DLG2: variants seen among roughly 807,000 people sequenced by gnomAD.
DLG2 encodes discs large MAGUK scaffold protein 2.
DLG2 carries 45 observed loss-of-function variants against 132.5 expected under a neutral mutation model. The observed-to-expected ratio is 0.34, with a 90% CI of 0.27 to 0.44. The LOEUF (loss-of-function observed/expected upper bound fraction) is 0.44, where lower values mean the gene tolerates loss of function less well. Among genes scored for constraint, DLG2 ranks in the 20% least tolerant of loss-of-function variants. The pLI is 1.00. For missense variants in DLG2, 1,045 were observed against 1,196.9 expected (o/e 0.87, Z 1.87); for synonymous variants, 424 against 419.6 (o/e 1.01, Z -0.13).
intron 18 of DLG2, among the ~76,000 whole-genome samples, chr11:83,772,237 G>C (rs774898221): frequency 6.6e-6 from 1 of 151,804 alleles, no homozygotes; most frequent in Non-Finnish European, 1.5e-5. Context: ...GTGAAACCCC[G>C]TTGCTACCAA....
chr11:85,430,743 A>C (rs138481139), intron 3 of DLG2, among the ~76,000 whole-genome samples: 2 of 152,192 alleles, frequency 1.3e-5, no homozygotes, highest in Non-Finnish European at 2.9e-5. Context: ...GATGCAACTG[A>C]AGCTAGTTTT....
intron 9 of DLG2, among the ~76,000 whole-genome samples, chr11:84,148,275 T>C (rs1015433445): frequency 1.2e-4 from 19 of 152,184 alleles, no homozygotes; most frequent in Non-Finnish European, 2.1e-4. Flanking sequence ...TATAAAGGCA[T>C]ATTGTGTGAC....
At chr11:84,170,352 T>A (rs574049059) in intron 8 of DLG2, among the ~76,000 whole-genome samples, 1 of 152,316 alleles carries the variant, frequency 6.6e-6, no homozygotes, top group African/African-American at 2.4e-5. Flanking sequence ...GTACCTATCA[T>A]GTACTTGGTA....
chr11:85,264,910 G>A (rs192326151), intron 4 of DLG2, among the ~76,000 whole-genome samples: 112 of 152,234 alleles, frequency 7.4e-4, no homozygotes, highest in South Asian at 1.9e-3. Flanking sequence ...TAGAGATTAC[G>A]TAAGGTTCTT....
chr11:84,821,975 A>T (rs1409674348), intron 6 of DLG2, among the ~76,000 whole-genome samples: 2 of 151,816 alleles, frequency 1.3e-5, no homozygotes, highest in Non-Finnish European at 2.9e-5. Flanking sequence ...CCTATAAAAA[A>T]TTCACTGCCA....
intron 3 of DLG2, among the ~76,000 whole-genome samples, chr11:85,309,928 T>C (rs975003631): frequency 6.6e-6 from 1 of 152,212 alleles, no homozygotes. Context: ...AGGATTTTGC[T>C]TTCTGTTTAT....
At chr11:85,292,685 G>A (rs2078983087) in intron 3 of DLG2, among the ~76,000 whole-genome samples, 1 of 95,862 alleles carries the variant, frequency 1.0e-5, no homozygotes, top group African/African-American at 3.7e-5. Context: ...AGGGAGGGAG[G>A]GAGGGAGGGA....
intron 7 of DLG2, among the ~76,000 whole-genome samples, chr11:84,528,220 A>G (rs1342119592): frequency 6.6e-6 from 1 of 152,160 alleles, no homozygotes; most frequent in Non-Finnish European, 1.5e-5. Context: ...TTCTTTTATG[A>G]AAGATTCTAG....
At chr11:84,805,120 A>G (rs2075843366) in intron 6 of DLG2, among the ~76,000 whole-genome samples, 1 of 152,156 alleles carries the variant, frequency 6.6e-6, no homozygotes, top group African/African-American at 2.4e-5. Context: ...CATGCACAGT[A>G]GCAGTAAAAG....
intron 7 of DLG2, among the ~76,000 whole-genome samples, chr11:84,379,352 A>G (rs537744068): frequency 1.3e-5 from 2 of 152,268 alleles, no homozygotes; most frequent in South Asian, 4.1e-4. Flanking sequence ...GTGAACAAAG[A>G]ACCAAATAAA....
chr11:83,706,390 G>A (rs145414379), intron 18 of DLG2, among the ~76,000 whole-genome samples: 15 of 152,182 alleles, frequency 9.9e-5, no homozygotes, highest in Middle Eastern at 3.4e-3. Context: ...ACATGTTAAG[G>A]CAGCGGCTGA....
At chr11:83,759,300 G>A (rs755387589) in intron 18 of DLG2, among the ~76,000 whole-genome samples, 1 of 152,186 alleles carries the variant, frequency 6.6e-6, no homozygotes, top group Non-Finnish European at 1.5e-5. Context: ...AGGGATAGCC[G>A]AATGGCAGAG....
intron 4 of DLG2, among the ~76,000 whole-genome samples, chr11:85,191,435 A>G (rs2080565634): frequency 6.6e-6 from 1 of 152,058 alleles, no homozygotes. Flanking sequence ...ATCCTCCACC[A>G]GGTTCCACTG....
At chr11:83,534,839 A>T (rs1017288478) in intron 20 of DLG2, among the ~76,000 whole-genome samples, 4 of 152,222 alleles carry the variant, frequency 2.6e-5, no homozygotes, top group African/African-American at 9.6e-5. Flanking sequence ...GCTACGCGGG[A>T]GGCTGAGGCA....
At chr11:84,773,923 G>T (rs1469246097) in intron 6 of DLG2, among the ~76,000 whole-genome samples, 2 of 152,092 alleles carry the variant, frequency 1.3e-5, no homozygotes, top group Non-Finnish European at 2.9e-5. Context: ...AGATAATATT[G>T]TAAGTTGTAG....
At chr11:83,934,780 A>T (rs1243227170) in intron 14 of DLG2, among the ~76,000 whole-genome samples, 1 of 152,164 alleles carries the variant, frequency 6.6e-6, no homozygotes, top group Non-Finnish European at 1.5e-5. Flanking sequence ...TAGACCCTGG[A>T]GGATCAGGAC....
intron 12 of DLG2, among the ~76,000 whole-genome samples, chr11:83,976,949 C>T (rs546061780): frequency 6.6e-6 from 1 of 151,818 alleles, no homozygotes; most frequent in East Asian, 1.9e-4. Context: ...ATTGGAGTAG[C>T]ATTTCAGATT....
At chr11:84,744,023 C>T (rs867226484) in intron 6 of DLG2, among the ~76,000 whole-genome samples, 4 of 152,074 alleles carry the variant, frequency 2.6e-5, no homozygotes, top group Admixed American at 6.5e-5. Context: ...CGTGCCCGGC[C>T]GGAAACAGAA....
intron 4 of DLG2, among the ~76,000 whole-genome samples, chr11:85,218,034 A>T (rs971405161): frequency 1.3e-5 from 2 of 152,198 alleles, no homozygotes; most frequent in Admixed American, 6.5e-5. Context: ...TTTATTGAAT[A>T]GGGATTCCTT....
Sources: gnomAD v4.1 joint callset for allele counts (sites outside exome capture counted in the v4.1 genomes callset) on GRCh38, gnomAD v4.1.1 for gene constraint, MANE v1.5 for transcripts, NCBI Gene and HGNC (gene_info 2026-07-23, HGNC 2026-07-21) for gene names.